Variants in CLTA observed in about 807,000 individuals in gnomAD.
CLTA encodes clathrin, light polypeptide (Lca).
Under a neutral mutation model 26.9 loss-of-function variants are expected in CLTA, and 9 were observed. That is an observed-to-expected ratio of 0.33 (90% CI 0.20 to 0.58). The LOEUF (loss-of-function observed/expected upper bound fraction) is 0.58. CLTA is among the 20% of genes least tolerant of loss of function. The probability of loss-of-function intolerance (pLI) is 0.85; values close to 1 mark genes in which losing one functional copy is unlikely to be tolerated. For missense variants in CLTA, 278 were observed against 294.2 expected, an observed-to-expected ratio of 0.94 and a Z score of 0.40; for synonymous variants, 120 against 115.5, an observed-to-expected ratio of 1.04 and a Z score of -0.25.
At chr9:36,198,431 C>T (rs1182021896) in intron 2 of CLTA, among the ~76,000 whole-genome samples, 1 of 150,766 alleles carries the variant, frequency 6.6e-6, no homozygotes, top group Non-Finnish European at 1.5e-5. Context: ...AATTCCAGCA[C>T]TTTGGGAGGC....
chr9:36,211,549 A>G, intron 4 of CLTA, 54 bp from the exon 5 acceptor site: 5 of 1,541,572 alleles, frequency 3.2e-6, no homozygotes, highest in Middle Eastern at 3.5e-4. Flanking sequence ...GGCAGCCACC[A>G]GGTTGCTCAA....
Position 36,191,124 on chromosome 9 carries a change from T to A in CLTA, c.68T>A (p.Val23Glu). 6.2e-7 allele frequency: 1 copy of A among 1,600,258 alleles called. No individual in the cohort carries two copies. The highest frequency in any genetic ancestry group is 8.5e-7 in the Non-Finnish European group (1 of 1,176,228). Reference sequence around the variant, plus strand: ...GGCGGTCCCGCGCTGGGGAACGGAGTGGCCGGCGCCGGCGAAGAAGACCCG... The same window carrying A: ...GGCGGTCCCGCGCTGGGGAACGGAGAGGCCGGCGCCGGCGAAGAAGACCCG... ...APGGPALGNG[V>E]AGAGEEDPAA... The change falls in exon 1 of 5, where the codon GTG becomes GAG. Residue 23 changes from valine to glutamate, a missense_variant. Coordinates refer to ENST00000345519, the MANE Select transcript of CLTA (RefSeq NM_001833.4).
At chr9:36,201,579 T>C (rs1268930946) in intron 3 of CLTA, among the ~76,000 whole-genome samples, 2 of 152,222 alleles carry the variant, frequency 1.3e-5, no homozygotes, top group Non-Finnish European at 2.9e-5. Flanking sequence ...CAGAGATAAA[T>C]TTTATATTTT....
intron 1 of CLTA, among the ~76,000 whole-genome samples, 183 bp downstream of exon 1, chr9:36,191,456 C>CT (rs1161408448): frequency 3.3e-5 from 5 of 152,216 alleles, no homozygotes; most frequent in Admixed American, 1.3e-4. Flanking sequence ...CTGTTCGGTT[C>CT]TCAGCATGTT....
intron 4 of CLTA, among the ~76,000 whole-genome samples, chr9:36,207,882 AAGCC>A (rs1304206473): frequency 6.6e-6 from 1 of 152,184 alleles, no homozygotes. Context: ...ATGGGTTTAT[AAGCC>A]AGCCTGCCTT....
At chr9:36,210,976 C>T (rs1352366561) in intron 4 of CLTA, among the ~76,000 whole-genome samples, 1 of 152,242 alleles carries the variant, frequency 6.6e-6, no homozygotes, top group African/African-American at 2.4e-5. Context: ...GTTGGCTCTC[C>T]TGCCAGTGTG....
intron 4 of CLTA, chr9:36,210,734 C>T: frequency 3.8e-6 from 6 of 1,578,378 alleles, no homozygotes; most frequent in Non-Finnish European, 5.2e-6. Context: ...CTCTGGGCTT[C>T]AGCGGTGTTT....
chr9:36,206,026 C>T (rs1827703690), intron 4 of CLTA, among the ~76,000 whole-genome samples: 1 of 152,118 alleles, frequency 6.6e-6, no homozygotes, highest in Non-Finnish European at 1.5e-5. Context: ...TCCCAAAGTG[C>T]TGGGATTACA....
intron 4 of CLTA, chr9:36,209,220 C>T (rs1563918250): frequency 6.2e-7 from 1 of 1,612,412 alleles, no homozygotes; most frequent in East Asian, 2.2e-5. Context: ...AATGTTCTCT[C>T]TTTTTTCCTG....
intron 4 of CLTA, among the ~76,000 whole-genome samples, chr9:36,210,328 A>T (rs1827970152): frequency 6.6e-6 from 1 of 152,008 alleles, no homozygotes; most frequent in African/African-American, 2.4e-5. Flanking sequence ...AGAAGATAGA[A>T]CTGGGTTTCC....
chr9:36,208,462 A>G (rs1397649992), intron 4 of CLTA, among the ~76,000 whole-genome samples: 1 of 152,180 alleles, frequency 6.6e-6, no homozygotes, highest in Non-Finnish European at 1.5e-5. Context: ...TCTTGAGTAG[A>G]GAGAGAGCCA....
At position 36,202,227 on chromosome 9, in the gene CLTA, G is replaced by A. The variant is rs376151539; in HGVS notation, c.374-1841G>A. 5.3e-5 allele frequency among the ~76,000 whole-genome samples: 8 copies of A among 152,136 alleles called. No individual in the cohort carries two copies. The East Asian group carries it at 5.8e-4, about 11-fold the overall frequency. On this transcript the variant is annotated intron_variant, in intron 3 of 4. Transcript: ENST00000345519. ...CGACAAATTAGATACCGAGATGAAC[G>A]TTCCTACTAACCTGAAACTTGGGGG...
At chr9:36,209,159 C>T in intron 4 of CLTA, 1 of 1,389,206 alleles carries the variant, frequency 7.2e-7, no homozygotes, top group Non-Finnish European at 1.0e-6. Flanking sequence ...GGAGCAGCTC[C>T]TCAGAGCACA....
At chr9:36,205,307 T>C (rs1221427497) in intron 4 of CLTA, among the ~76,000 whole-genome samples, 5 of 152,178 alleles carry the variant, frequency 3.3e-5, no homozygotes, top group African/African-American at 1.2e-4. Flanking sequence ...AGGACTGCTC[T>C]CTGGTGTGCA....
At chr9:36,211,450 C>A in intron 4 of CLTA, 153 bp from the exon 5 acceptor site, 1 of 478,274 alleles carries the variant, frequency 2.1e-6, no homozygotes, top group Non-Finnish European at 2.7e-6. Context: ...ACGTGTCTAC[C>A]TGAGTCTGAC....
rs879724379 is a variant in CLTA at position 36,210,087 on chromosome 9, CT to C, written c.486-1506del. Among the ~76,000 whole-genome samples the C allele has an allele frequency of 1.2e-4, 17 of 146,838 alleles. No homozygotes were observed. The East Asian group carries it at 1.8e-3, about 16-fold the overall frequency. ...CTCTGGAGAAGGTGTTTTTCTTATT[CT>C]TTTTTTTTTCTTTTTTTCTTTTTTC... On this transcript the variant is annotated intron_variant, in intron 4 of 4. Coordinates refer to ENST00000345519, the MANE Select transcript of CLTA (RefSeq NM_001833.4).
intron 1 of CLTA, among the ~76,000 whole-genome samples, chr9:36,192,513 T>G (rs1165725471): frequency 1.3e-5 from 2 of 152,188 alleles, no homozygotes; most frequent in Non-Finnish European, 2.9e-5. Context: ...TGGGAACATG[T>G]AATATGCCCG....
chr9:36,196,998 AC>A (rs903256482), intron 1 of CLTA, among the ~76,000 whole-genome samples: 1 of 152,034 alleles, frequency 6.6e-6, no homozygotes, highest in East Asian at 1.9e-4. Context: ...GCATGGCGAA[AC>A]CCCCTTCCTA....
intron 4 of CLTA, among the ~76,000 whole-genome samples, chr9:36,205,265 GAGTCCACAGGACTCCAC>G (rs1443980801): frequency 1.3e-5 from 2 of 152,136 alleles, no homozygotes; most frequent in Non-Finnish European, 2.9e-5. Flanking sequence ...GTTCCATGTG[GAGTCCACAGGACTCCAC>G]AGTCCCAGTC....
Sources: gnomAD v4.1 joint callset for allele counts (sites outside exome capture counted in the v4.1 genomes callset) on GRCh38, gnomAD v4.1.1 for gene constraint, MANE v1.5 for transcripts, NCBI Gene and HGNC (gene_info 2026-07-23, HGNC 2026-07-21) for gene names.